The following DTHD1 variants were observed in gnomAD, a reference collection of about 807,000 sequenced individuals.
DTHD1 encodes the protein death domain containing 1.
DTHD1 carries 59 observed loss-of-function variants against 74.8 expected under a neutral mutation model. The observed-to-expected ratio is 0.79, with a 90% CI of 0.64 to 0.98. The LOEUF (loss-of-function observed/expected upper bound fraction) is 0.98. Among genes scored for constraint, DTHD1 ranks in the 50% least tolerant of loss-of-function variants. The pLI, the probability that DTHD1 is intolerant of heterozygous loss-of-function variation, is 0.00. For synonymous variants in DTHD1, 365 were observed against 371.1 expected (o/e 0.98, Z 0.19); for missense variants, 1,051 against 1,065.4 (o/e 0.99, Z 0.19).
chr4:36,291,164 T>C (rs1429359535), intron 3 of DTHD1, among the ~76,000 whole-genome samples: 1 of 152,192 alleles, frequency 6.6e-6, no homozygotes, highest in East Asian at 1.9e-4. Flanking sequence ...TGTTAGTAAG[T>C]CTAGAAATGA....
chr4:36,308,607 T>C (rs1209848456), intron 7 of DTHD1, 114 bp downstream of exon 7: 1 of 836,314 alleles, frequency 1.2e-6, no homozygotes, highest in East Asian at 2.7e-5. Flanking sequence ...GACGAGAGAC[T>C]TTAGGAAGTA....
At chr4:36,340,667 A>G (rs1759265727) in intron 9 of DTHD1, among the ~76,000 whole-genome samples, 1 of 152,216 alleles carries the variant, frequency 6.6e-6, no homozygotes, top group African/African-American at 2.4e-5. Flanking sequence ...ATACACTGAT[A>G]GAGATAATTA....
In DTHD1 at chr4:36,284,433, T is replaced by G; in HGVS notation, c.729T>G (p.Ile243Met). The G allele has an allele frequency of 6.5e-7, 1 of 1,537,008 alleles. No homozygotes were observed. The highest frequency in any genetic ancestry group is 1.4e-5 in the African/African-American group (1 of 73,102). ...NGNREETHGI[I>M]QTTETEIQET... is the part of the protein sequence containing the mutation. The stretch of plus-strand genomic sequence containing the variant: ...ACAGGGAAGAGACTCATGGCATAAT[T>G]CAGACAACAGAGACAGAAATTCAAG... The change falls in exon 2 of 10, where the codon ATT becomes ATG. Residue 243 changes from isoleucine (I) to methionine (M), a missense_variant. Coordinates refer to ENST00000639862, the MANE Select transcript of DTHD1 (RefSeq NM_001170700.3).
chr4:36,302,218 G>A (rs1756819607), intron 5 of DTHD1, among the ~76,000 whole-genome samples: 1 of 152,196 alleles, frequency 6.6e-6, no homozygotes, highest in South Asian at 2.1e-4. Context: ...ATCAGATCAT[G>A]GGGGATCTTC....
Position 36,342,384 on chromosome 4 carries a change from C to T in DTHD1, c.2399-1118C>T, listed in dbSNP as rs1759362314. Among the ~76,000 whole-genome samples, 3 of 152,090 alleles carry T rather than the reference C, an allele frequency of 2.0e-5. No homozygotes were observed. The South Asian group carries it at 6.2e-4, about 32-fold the overall frequency. Reference sequence around the variant, plus strand: ...TAATGGAAGGCAGATGGAATGCTTGCTTAACACCAGACCAGGGAAACTGGT... The same window carrying T: ...TAATGGAAGGCAGATGGAATGCTTGTTTAACACCAGACCAGGGAAACTGGT... On this transcript the variant is annotated intron_variant, in intron 9 of 9. Coordinates refer to ENST00000639862, the MANE Select transcript of DTHD1 (RefSeq NM_001170700.3).
At chr4:36,300,586 A>G (rs1325134680) in intron 5 of DTHD1, among the ~76,000 whole-genome samples, 2 of 151,050 alleles carry the variant, frequency 1.3e-5, no homozygotes, top group Admixed American at 6.6e-5. Flanking sequence ...AGCCAAAAAA[A>G]TACGTATCCA....
At chr4:36,336,232 T>C (rs1759002962) in intron 8 of DTHD1, among the ~76,000 whole-genome samples, 1 of 152,208 alleles carries the variant, frequency 6.6e-6, no homozygotes, top group Non-Finnish European at 1.5e-5. Context: ...GCAAGTGGCA[T>C]ATAAGATATC....
chr4:36,288,461 T>A (rs924569034), intron 2 of DTHD1, among the ~76,000 whole-genome samples: 3 of 152,228 alleles, frequency 2.0e-5, no homozygotes, highest in Admixed American at 6.5e-5. Context: ...CAGGCCTTGA[T>A]ACATCTTGAG....
intron 7 of DTHD1, among the ~76,000 whole-genome samples, chr4:36,310,312 A>T (rs1047795779): frequency 2.6e-5 from 4 of 152,220 alleles, no homozygotes; most frequent in Non-Finnish European, 5.9e-5. Context: ...GATGAAGAGA[A>T]AGAGAAAAGG....
chr4:36,293,874 T>G (rs1029568678), intron 4 of DTHD1, among the ~76,000 whole-genome samples, 169 bp downstream of exon 4: 7 of 152,178 alleles, frequency 4.6e-5, no homozygotes, highest in Admixed American at 1.3e-4. Context: ...TGTAATGATT[T>G]TGAGCATATT....
At chr4:36,303,704 C>T (rs570406779) in intron 5 of DTHD1, among the ~76,000 whole-genome samples, 15 of 152,228 alleles carry the variant, frequency 9.9e-5, no homozygotes, top group African/African-American at 1.4e-4. Flanking sequence ...TCACTGGAAC[C>T]GGAAGACAGA....
At chr4:36,282,094 G>A in intron 1 of DTHD1, 65 bp downstream of exon 1, 1 of 1,358,020 alleles carries the variant, frequency 7.4e-7, no homozygotes, top group Non-Finnish European at 9.9e-7. Flanking sequence ...AGATCTGAGA[G>A]GGGCTATGAG....
At chr4:36,329,045 C>A (rs1233348736) in intron 8 of DTHD1, among the ~76,000 whole-genome samples, 2 of 152,224 alleles carry the variant, frequency 1.3e-5, no homozygotes, top group African/African-American at 4.8e-5. Context: ...AGGACCCAGA[C>A]TACAAGGTTG....
chr4:36,299,120 T>A (rs1224876521), intron 5 of DTHD1, among the ~76,000 whole-genome samples: 5 of 152,082 alleles, frequency 3.3e-5, no homozygotes, highest in Non-Finnish European at 7.4e-5. Context: ...TTCTGAAATT[T>A]TCAATTATTC....
At chr4:36,306,042 C>CT in intron 5 of DTHD1, 149 bp from the exon 6 acceptor site, 1 of 770,840 alleles carries the variant, frequency 1.3e-6, no homozygotes, top group Non-Finnish European at 2.0e-6. Flanking sequence ...AGTTTGATCT[C>CT]TGTGTTCCTG....
chr4:36,340,926 C>A (rs1250948881), intron 9 of DTHD1, among the ~76,000 whole-genome samples: 1 of 151,610 alleles, frequency 6.6e-6, no homozygotes, highest in Non-Finnish European at 1.5e-5. Flanking sequence ...TGGCAAAGGG[C>A]AAGAGAGGAA....
rs551828087 is a variant in DTHD1, at chr4:36,300,123, T to C, written c.1643+5084T>C. ...TGCTAAGTCTAACATCTGAAGTCTT[T>C]GGGCGTGTTTATATCTGTCATCCAT... On this transcript the variant is annotated intron_variant, in intron 5 of 9. Transcript: ENST00000639862. Among the ~76,000 whole-genome samples the C allele has an allele frequency of 1.1e-4, 17 of 152,342 alleles. No homozygotes were observed. The East Asian group carries it at 3.1e-3, about 28-fold the overall frequency.
In DTHD1 at chr4:36,306,215, AC is replaced by A; in HGVS notation, c.1670del (p.Pro557LeufsTer9). On this transcript the variant is annotated frameshift_variant, in exon 6 of 10. Coordinates refer to ENST00000639862, the MANE Select transcript of DTHD1 (RefSeq NM_001170700.3). LOFTEE classifies it high-confidence loss of function. Reference protein sequence around the residue: ...NRTKIASIRKPRKNASECLKL... With the variant: ...NRTKIASIRKXRKNASECLKL... ...GGACAAAAATTGCCTCCATAAGAAA[AC>A]CTAGGAAAAATGCCAGTGAATGTTT... 6.4e-7 allele frequency: 1 copy of A among 1,551,828 alleles called. No homozygotes were observed. The highest frequency in any genetic ancestry group is 8.7e-7 in the Non-Finnish European group (1 of 1,147,000).
At position 36,308,333 on chromosome 4, in the gene DTHD1, T is replaced by C; in HGVS notation, c.1935T>C (p.His645=). 1 of 1,551,890 alleles carries C rather than the reference T, an allele frequency of 6.4e-7. No individual in the cohort carries two copies. Among genetic ancestry groups the C allele is most frequent in the South Asian group, 1.2e-5 (1 of 84,066 alleles). Residue 645 remains histidine, a synonymous_variant, in exon 7 of 10, where the codon CAT becomes CAC. Transcript: ENST00000639862. ...TGTCTCACCAGAAGGACAATCCACA[T>C]AGAATAGCTGTTTTAGTGGTGCCTT... The part of the protein sequence containing the change: ...IVLSHQKDNP[H]RIAVLVVPSK...
Sources: allele counts gnomAD v4.1 joint callset (sites outside exome capture counted in the v4.1 genomes callset), GRCh38; gene constraint gnomAD v4.1.1; transcripts MANE v1.5; gene names NCBI Gene and HGNC (gene_info 2026-07-23, HGNC 2026-07-21).